SREK1IP1: variants seen among roughly 807,000 people sequenced by gnomAD.
SREK1IP1 encodes the protein SREK1 interacting protein 1.
A neutral mutation model predicts 22.8 loss-of-function variants in SREK1IP1; 12 were observed. That is an observed-to-expected ratio of 0.53 (90% CI 0.34 to 0.85). The LOEUF is 0.85. Ranked by LOEUF, SREK1IP1 falls within the 40% of genes least tolerant of loss-of-function variation. The pLI, the probability that SREK1IP1 is intolerant of heterozygous loss-of-function variation, is 0.02. For missense variants in SREK1IP1, 147 were observed against 171.8 expected (o/e 0.86, Z 0.81); for synonymous variants, 53 against 52.7 (o/e 1.01, Z -0.02).
At chr5:64,742,119 C>T (rs1580545859) in intron 2 of SREK1IP1, among the ~76,000 whole-genome samples, 1 of 151,754 alleles carries the variant, frequency 6.6e-6, no homozygotes, top group African/African-American at 2.4e-5. Context: ...TTCCTGCCAC[C>T]CAATATTTTG....
At chr5:64,727,553 A>ATATATATTTTTTTTTTTTTTTTT in intron 4 of SREK1IP1, 1 of 84,714 alleles carries the variant, frequency 1.2e-5, no homozygotes, top group African/African-American at 5.5e-5. Context: ...ATATATATAT[A>ATATATATTTTTTTTTTTTTTTTT]TTTTTTTTTT....
rs1431802245 is a variant in SREK1IP1 at position 64,723,147 on chromosome 5, T to C, written c.*1237A>G. ...TATTAAGCAAAGTAACACTGATCAA[T>C]GTGAAAATAGAAATTTAAAAAACGT... is the stretch of plus-strand genomic sequence containing the variant. On this transcript the variant is annotated 3_prime_UTR_variant, in exon 5 of 5. Coordinates refer to ENST00000513458, the MANE Select transcript of SREK1IP1 (RefSeq NM_173829.4). The C allele has an allele frequency of 1.3e-5, 2 of 152,218 alleles. No individual in the cohort carries two copies. Among genetic ancestry groups the C allele is most frequent in the Non-Finnish European group, 2.9e-5 (2 of 68,034 alleles). 9.4% of individuals were successfully genotyped at this position (152,218 alleles called of 1,614,324 possible). A position where few individuals can be genotyped will look rare whatever the true frequency, so the allele number is the denominator to read the frequency against.
chr5:64,744,898 T>C (rs1036725123), intron 2 of SREK1IP1, among the ~76,000 whole-genome samples: 2 of 152,220 alleles, frequency 1.3e-5, no homozygotes, highest in African/African-American at 2.4e-5. Flanking sequence ...AATTATCTTA[T>C]GGGAACTCAA....
rs1742118401 is a variant in SREK1IP1, at chr5:64,719,404, T to A, written c.*4980A>T. ...GACATTTCCATTATAAAAATGACAT[T>A]TTACACGGCCATAAAAACAAAGAAT... On this transcript the variant is annotated 3_prime_UTR_variant, in exon 5 of 5. Transcript: ENST00000513458. 6.6e-6 allele frequency: 1 copy of A among 152,166 alleles called. No individual in the cohort carries two copies. The highest frequency in any genetic ancestry group is 1.5e-5 in the Non-Finnish European group (1 of 68,022). 9.4% of individuals were successfully genotyped at this position (152,166 alleles called of 1,614,324 possible).
chr5:64,727,553 A>ATATATATATATATATATTTT, intron 4 of SREK1IP1: 4 of 84,712 alleles, frequency 4.7e-5, no homozygotes, highest in African/African-American at 2.2e-4. Flanking sequence ...ATATATATAT[A>ATATATATATATATATATTTT]TTTTTTTTTT....
intron 3 of SREK1IP1, among the ~76,000 whole-genome samples, chr5:64,738,459 C>G (rs1427481019): frequency 6.6e-6 from 1 of 152,124 alleles, no homozygotes; most frequent in Non-Finnish European, 1.5e-5. Context: ...ATCCCAATGG[C>G]TCTTTTGACA....
Position 64,720,903 on chromosome 5 carries a change from A to T in SREK1IP1, c.*3481T>A, listed in dbSNP as rs1742151663. ...CGACTCCTTCCTCCTGTTCCTAAGA[A>T]CTTAAAATGGTAGTCTCAATTCTTA... On this transcript the variant is annotated 3_prime_UTR_variant, in exon 5 of 5. Coordinates refer to ENST00000513458, the MANE Select transcript of SREK1IP1 (RefSeq NM_173829.4). The T allele has an allele frequency of 6.6e-6, 1 of 152,212 alleles. No individual in the cohort carries two copies. Among genetic ancestry groups the T allele is most frequent in the Admixed American group, 6.5e-5 (1 of 15,268 alleles). 9.4% of individuals were successfully genotyped at this position (152,212 alleles called of 1,614,324 possible). A position where few individuals can be genotyped will look rare whatever the true frequency, so the allele number is the denominator to read the frequency against.
At position 64,720,907 on chromosome 5, in the gene SREK1IP1, A is replaced by G. The variant is rs1742151801; in HGVS notation, c.*3477T>C. The G allele has an allele frequency of 6.6e-6, 1 of 152,270 alleles. No homozygotes were observed. The highest frequency in any genetic ancestry group is 2.1e-4 in the South Asian group (1 of 4,838). 9.4% of individuals were successfully genotyped at this position (152,270 alleles called of 1,614,324 possible). On this transcript the variant is annotated 3_prime_UTR_variant, in exon 5 of 5. Transcript: ENST00000513458. ...TCCTTCCTCCTGTTCCTAAGAACTTAAAATGGTAGTCTCAATTCTTACCAC... is the reference window on the plus strand; with the variant it reads ...TCCTTCCTCCTGTTCCTAAGAACTTGAAATGGTAGTCTCAATTCTTACCAC...
At chr5:64,729,203 C>T (rs1211765724) in intron 3 of SREK1IP1, among the ~76,000 whole-genome samples, 1 of 152,116 alleles carries the variant, frequency 6.6e-6, no homozygotes, top group African/African-American at 2.4e-5. Flanking sequence ...TTACTAAATG[C>T]TTATGTGTCA....
intron 1 of SREK1IP1, among the ~76,000 whole-genome samples, chr5:64,767,898 C>A (rs1743077616): frequency 6.6e-6 from 1 of 152,162 alleles, no homozygotes; most frequent in Non-Finnish European, 1.5e-5. Context: ...AATTATTCTG[C>A]AGAGTTCACC....
chr5:64,732,650 C>A (rs754958958), intron 3 of SREK1IP1, among the ~76,000 whole-genome samples: 2 of 152,110 alleles, frequency 1.3e-5, no homozygotes, highest in Admixed American at 6.5e-5. Flanking sequence ...ACATTTAATG[C>A]AATTCCTATT....
At chr5:64,747,224 C>A (rs564521767) in intron 2 of SREK1IP1, among the ~76,000 whole-genome samples, 12 of 152,246 alleles carry the variant, frequency 7.9e-5, no homozygotes, top group Admixed American at 2.6e-4. Flanking sequence ...TGATTAAATT[C>A]AATCTCTAGC....
chr5:64,767,657 T>C (rs186375340), intron 1 of SREK1IP1, among the ~76,000 whole-genome samples: 77 of 152,342 alleles, frequency 5.1e-4, no homozygotes, highest in Non-Finnish European at 7.1e-4. Flanking sequence ...CTATAGTTCA[T>C]AGTAATTCTA....
chr5:64,763,083 TAA>T (rs1428677187), intron 1 of SREK1IP1, among the ~76,000 whole-genome samples: 1 of 150,622 alleles, frequency 6.6e-6, no homozygotes, highest in Non-Finnish European at 1.5e-5. Context: ...AAATAAAAAT[TAA>T]AAAAAGGCTT....
At chr5:64,748,039 T>G (rs111843652) in intron 2 of SREK1IP1, among the ~76,000 whole-genome samples, 1,788 of 152,298 alleles carry the variant, frequency 0.012, 33 homozygotes, top group African/African-American at 0.041. Context: ...AAACAGATAC[T>G]CGTACATCAA....
rs528740959 is a variant in SREK1IP1 at position 64,768,645 on chromosome 5, G to C, written c.-128C>G. 8.6e-5 allele frequency: 116 copies of C among 1,344,432 alleles called. 1 individual carries two copies. In the South Asian group the frequency reaches 1.4e-3, roughly 16 times the overall value. 83.3% of individuals were successfully genotyped at this position (1,344,432 alleles called of 1,614,324 possible). A position where few individuals can be genotyped will look rare whatever the true frequency, so the allele number is the denominator to read the frequency against. ...CCCAGCGCAGCAGCACCCTCGCTAC[G>C]GTCGGGAAGGGCCTGTACGCCTCTA... is the stretch of plus-strand genomic sequence containing the variant. On this transcript the variant is annotated 5_prime_UTR_variant, in exon 1 of 5. Transcript: ENST00000513458.
At chr5:64,747,745 G>A (rs549001886) in intron 2 of SREK1IP1, among the ~76,000 whole-genome samples, 3 of 152,104 alleles carry the variant, frequency 2.0e-5, no homozygotes, top group Admixed American at 6.5e-5. Context: ...TGGCTAGCAC[G>A]GTGTAACCTC....
intron 2 of SREK1IP1, among the ~76,000 whole-genome samples, chr5:64,751,439 G>A (rs1742738486): frequency 6.6e-6 from 1 of 152,198 alleles, no homozygotes; most frequent in Non-Finnish European, 1.5e-5. Flanking sequence ...ATGTAATTAA[G>A]TTGCTTTTAA....
At position 64,720,192 on chromosome 5, in the gene SREK1IP1, C is replaced by T. The variant is rs1258628986; in HGVS notation, c.*4192G>A. 6.6e-6 allele frequency: 1 copy of T among 152,120 alleles called. No homozygotes were observed. Among genetic ancestry groups the T allele is most frequent in the Non-Finnish European group, 1.5e-5 (1 of 68,012 alleles). 9.4% of individuals were successfully genotyped at this position (152,120 alleles called of 1,614,324 possible). A position where few individuals can be genotyped will look rare whatever the true frequency, so the allele number is the denominator to read the frequency against. ...AAATAGTGATAGAATTTAAGTCAGT[C>T]AAAAATAACCTAAAATACAATTAAG... On this transcript the variant is annotated 3_prime_UTR_variant, in exon 5 of 5. Coordinates refer to ENST00000513458, the MANE Select transcript of SREK1IP1 (RefSeq NM_173829.4).
Sources: gnomAD v4.1 joint callset for allele counts (sites outside exome capture counted in the v4.1 genomes callset) on GRCh38, gnomAD v4.1.1 for gene constraint, MANE v1.5 for transcripts, NCBI Gene and HGNC (gene_info 2026-07-23, HGNC 2026-07-21) for gene names.